MGAM2: variants seen among roughly 807,000 people sequenced by gnomAD.
MGAM2 encodes the protein probable maltase-glucoamylase 2.
In MGAM2, 98 loss-of-function variants were observed where a neutral mutation model predicts 96.1. The ratio of observed to expected loss-of-function variants is 1.02; its 90% CI spans 0.87 to 1.21. MGAM2 has a LOEUF of 1.21. Ranked by LOEUF, MGAM2 falls within the 50% of genes most tolerant of loss-of-function variation. The pLI is 0.00. For missense variants in MGAM2, 2,055 were observed against 1,182.4 expected, an observed-to-expected ratio of 1.74 and a Z score of -10.82; for synonymous variants, 749 against 414.8, an observed-to-expected ratio of 1.81 and a Z score of -9.79.
At chr7:142,150,770 T>C (rs952582316) in intron 15 of MGAM2, among the ~76,000 whole-genome samples, 5 of 152,228 alleles carry the variant, frequency 3.3e-5, no homozygotes, top group African/African-American at 1.2e-4. Flanking sequence ...CTATTTTTTA[T>C]ACAGTGAAAT....
At chr7:142,216,971 A>G (rs1297197340) in intron 46 of MGAM2, among the ~76,000 whole-genome samples, 2 of 152,102 alleles carry the variant, frequency 1.3e-5, no homozygotes, top group African/African-American at 2.4e-5. Flanking sequence ...GCACTCCTCC[A>G]TGAATGTGGC....
chr7:142,197,613 T>A (rs754499030), intron 41 of MGAM2, 31 bp from the exon 42 acceptor site: 80 of 702,924 alleles, frequency 1.1e-4, no homozygotes, highest in Non-Finnish European at 7.8e-6. Context: ...CATAAGAGGA[T>A]AGGTGAATTT....
Position 142,197,421 on chromosome 7 carries a change from AAT to A in MGAM2, c.4655_4656del (p.Asn1552IlefsTer4), listed in dbSNP as rs1797079358. On this transcript the variant is annotated frameshift_variant, in exon 41 of 48. Transcript: ENST00000477922. LOFTEE classifies it high-confidence loss of function. Reference protein sequence around the residue: ...GTRRQDPVAWNSTFEMLSRKV... With the variant: ...GTRRQDPVAWXSTFEMLSRKV... ...ACAGAGACAAGATCCTGTGGCCTGG[AAT>A]TCAACCTTTGAGATGTTGTCCAGAA... 2.8e-6 allele frequency: 2 copies of A among 702,888 alleles called. No homozygotes were observed. Among genetic ancestry groups the A allele is most frequent in the South Asian group, 3.0e-5 (2 of 67,594 alleles). The allele number at this position is 702,888 out of a possible 1,614,324, so 43.5% of individuals were successfully genotyped here. A position where few individuals can be genotyped will look rare whatever the true frequency, so the allele number is the denominator to read the frequency against.
At chr7:142,172,267 A>C in intron 29 of MGAM2, 73 bp downstream of exon 29, 1 of 619,366 alleles carries the variant, frequency 1.6e-6, no homozygotes, top group Admixed American at 2.5e-5. Flanking sequence ...TGGTATCAAT[A>C]GAAATAGAGA....
In MGAM2 at chr7:142,215,779, C is replaced by T. The variant is rs1363698559; in HGVS notation, c.5188-2582C>T. 6.8e-5 allele frequency among the ~76,000 whole-genome samples: 10 copies of T among 147,032 alleles called. No individual in the cohort carries two copies. In the East Asian group the frequency reaches 1.2e-3, roughly 17 times the overall value. On this transcript the variant is annotated intron_variant, in intron 46 of 47. Transcript: ENST00000477922. The stretch of plus-strand genomic sequence containing the variant: ...GTCTCAAAAAAAAAAAAAAAAAAAC[C>T]TCATGAATAATTTTATATTGAAAAA...
chr7:142,208,372 T>C, intron 45 of MGAM2: 1 of 658,314 alleles, frequency 1.5e-6, no homozygotes, highest in Non-Finnish European at 2.8e-6. Context: ...CCCGGCAAGG[T>C]ACCCATTTGC....
At chr7:142,122,508 T>C (rs1794608125) in intron 3 of MGAM2, among the ~76,000 whole-genome samples, 1 of 152,238 alleles carries the variant, frequency 6.6e-6, no homozygotes, top group Non-Finnish European at 1.5e-5. Flanking sequence ...TCTTATGACA[T>C]TTCCCAATAG....
At position 142,186,039 on chromosome 7, in the gene MGAM2, T is replaced by G; in HGVS notation, c.4038T>G (p.Ala1346=). The G allele has an allele frequency of 1.4e-6, 1 of 704,848 alleles. No individual in the cohort carries two copies. Among genetic ancestry groups the G allele is most frequent in the Middle Eastern group, 2.3e-4 (1 of 4,374 alleles). 43.7% of individuals were successfully genotyped at this position (704,848 alleles called of 1,614,324 possible). A position where few individuals can be genotyped will look rare whatever the true frequency, so the allele number is the denominator to read the frequency against. The change falls in exon 35 of 48, where the codon GCT becomes GCG. Residue 1346 remains alanine (A), a synonymous_variant. Coordinates refer to ENST00000477922, the MANE Select transcript of MGAM2 (RefSeq NM_001293626.2). ...CTGACTTCTTTCGTAATAGCACAGCTGCGTGGTGGAAGAAAGAGATAGAAG... is the reference window on the plus strand; with the variant it reads ...CTGACTTCTTTCGTAATAGCACAGCGGCGTGGTGGAAGAAAGAGATAGAAG... ...AFPDFFRNST[A]AWWKKEIEEL... is the part of the protein sequence containing the mutation.
intron 3 of MGAM2, among the ~76,000 whole-genome samples, chr7:142,130,168 C>T (rs1253805503): frequency 6.6e-6 from 1 of 152,158 alleles, no homozygotes; most frequent in African/African-American, 2.4e-5. Context: ...GAAAGAACCA[C>T]ATGTGATTTG....
chr7:142,114,735 G>A (rs1016767153), intron 1 of MGAM2, among the ~76,000 whole-genome samples: 10 of 152,276 alleles, frequency 6.6e-5, no homozygotes, highest in East Asian at 5.8e-4. Flanking sequence ...GTTTCATTGA[G>A]AATAGAGGGG....
At chr7:142,134,765 G>C (rs545909902) in intron 7 of MGAM2, among the ~76,000 whole-genome samples, 3 of 144,096 alleles carry the variant, frequency 2.1e-5, no homozygotes, top group African/African-American at 7.6e-5. Context: ...TGGAGTGAAG[G>C]ACTAGTTTCT....
chr7:142,185,161 T>C (rs777675358), intron 34 of MGAM2, 22 bp downstream of exon 34: 18 of 701,712 alleles, frequency 2.6e-5, no homozygotes, highest in Non-Finnish European at 4.2e-5. Flanking sequence ...TATAGATTTT[T>C]GTCAACATTG....
At chr7:142,204,559 T>A (rs1259418605) in intron 45 of MGAM2, among the ~76,000 whole-genome samples, 1 of 152,042 alleles carries the variant, frequency 6.6e-6, no homozygotes, top group Non-Finnish European at 1.5e-5. Flanking sequence ...GAAAATTACT[T>A]ATTTTGTTGT....
At chr7:142,188,800 T>C (rs1019611959) in intron 36 of MGAM2, among the ~76,000 whole-genome samples, 1 of 152,226 alleles carries the variant, frequency 6.6e-6, no homozygotes, top group African/African-American at 2.4e-5. Context: ...AAATAGGCCT[T>C]GTATTAGATA....
At chr7:142,151,382 T>TA (rs1274190606) in intron 15 of MGAM2, among the ~76,000 whole-genome samples, 1 of 152,152 alleles carries the variant, frequency 6.6e-6, no homozygotes, top group Non-Finnish European at 1.5e-5. Context: ...GTATTTTGGT[T>TA]AAAAAAAGAA....
intron 6 of MGAM2, among the ~76,000 whole-genome samples, 198 bp from the exon 7 acceptor site, chr7:142,133,783 G>A (rs1794976119): frequency 6.6e-6 from 1 of 152,106 alleles, no homozygotes; most frequent in African/African-American, 2.4e-5. Flanking sequence ...CTGAGCTCCT[G>A]GCATCCTGGC....
intron 3 of MGAM2, among the ~76,000 whole-genome samples, chr7:142,122,327 A>C (rs886737383): frequency 6.6e-6 from 1 of 152,234 alleles, no homozygotes; most frequent in Non-Finnish European, 1.5e-5. Context: ...ATAGTTATTT[A>C]TCTTCAGATA....
chr7:142,159,195 G>A, intron 19 of MGAM2, 92 bp from the exon 20 acceptor site: 2 of 674,108 alleles, frequency 3.0e-6, no homozygotes, highest in Admixed American at 4.1e-5. Flanking sequence ...TCTCAGGATT[G>A]TTCAGATAGG....
Position 142,137,469 on chromosome 7 carries a change from G to T in MGAM2, c.884G>T (p.Arg295Leu). The T allele has an allele frequency of 1.4e-6, 1 of 701,584 alleles. No homozygotes were observed. The highest frequency in any genetic ancestry group is 2.6e-6 in the Non-Finnish European group (1 of 384,214). The allele number at this position is 701,584 out of a possible 1,614,324, so 43.5% of individuals were successfully genotyped here. A position where few individuals can be genotyped will look rare whatever the true frequency, so the allele number is the denominator to read the frequency against. ...CAGCCAGCTCCTGCGATCACTTATC[G>T]CACGATTGGAGGCATTCTTGACTTT... is the stretch of plus-strand genomic sequence containing the variant. ...TLQPAPAITY[R>L]TIGGILDFYV... The change falls in exon 9 of 48, where the codon CGC (arginine) becomes CTC (leucine). Residue 295 changes from arginine (R) to leucine (L), a missense_variant. Arg to Leu is a moderately radical substitution (Grantham distance 102, BLOSUM62 -2). Coordinates refer to ENST00000477922, the MANE Select transcript of MGAM2 (RefSeq NM_001293626.2).
Sources: allele counts gnomAD v4.1 joint callset (sites outside exome capture counted in the v4.1 genomes callset), GRCh38; gene constraint gnomAD v4.1.1; transcripts MANE v1.5; gene names NCBI Gene and HGNC (gene_info 2026-07-23, HGNC 2026-07-21).